LRP5: variants seen among roughly 807,000 people sequenced by gnomAD.
LRP5 encodes the protein LDL receptor related protein 5, also known as low-density lipoprotein receptor-related protein 5.
LRP5 carries 62 observed loss-of-function variants against 154.1 expected under a neutral mutation model. That is an observed-to-expected ratio of 0.40 (90% CI 0.33 to 0.50). The LOEUF (loss-of-function observed/expected upper bound fraction) is 0.50, where lower values mean the gene tolerates loss of function less well. Ranked by LOEUF, LRP5 falls within the 20% of genes least tolerant of loss-of-function variation. The pLI is 0.55. For synonymous variants in LRP5, 966 were observed against 1,011.5 expected (o/e 0.96, Z 0.85); for missense variants, 1,915 against 2,336.7 (o/e 0.82, Z 3.72).
chr11:68,373,041 C>T (rs2098635174), intron 5 of LRP5, among the ~76,000 whole-genome samples: 1 of 151,770 alleles, frequency 6.6e-6, no homozygotes, highest in Non-Finnish European at 1.5e-5. Context: ...TGTGAGTTCC[C>T]AAGGGAGGAC....
At chr11:68,311,255 C>T (rs1034235042), upstream of LRP5, among the ~76,000 whole-genome samples, 4 of 152,206 alleles carry the variant, frequency 2.6e-5, no homozygotes, top group African/African-American at 9.7e-5. Context: ...TCTTCCCCGC[C>T]TGAGGTCTGA....
chr11:68,396,323 G>A (rs542647693), intron 7 of LRP5, among the ~76,000 whole-genome samples: 3 of 152,304 alleles, frequency 2.0e-5, no homozygotes, highest in Admixed American at 2.0e-4. Flanking sequence ...AGCCCTGGAC[G>A]TGTTTTGCCG....
chr11:68,339,171 G>T (rs2098607412), intron 1 of LRP5, among the ~76,000 whole-genome samples: 1 of 151,618 alleles, frequency 6.6e-6, no homozygotes, highest in African/African-American at 2.4e-5. Flanking sequence ...ACCGCGTCGG[G>T]CCTTTTTTGT....
intron 5 of LRP5, among the ~76,000 whole-genome samples, chr11:68,375,079 C>T (rs1452775451): frequency 1.3e-5 from 2 of 152,234 alleles, no homozygotes; most frequent in African/African-American, 2.4e-5. Flanking sequence ...GCGAGCTTTG[C>T]GCTTGCAGGG....
intron 1 of LRP5, among the ~76,000 whole-genome samples, chr11:68,325,964 C>T (rs1283521887): frequency 2.6e-5 from 4 of 152,214 alleles, no homozygotes; most frequent in Non-Finnish European, 5.9e-5. Context: ...GACGACCCCC[C>T]GGGGACTCTG....
rs371493435 is a variant in LRP5 at position 68,449,079 on chromosome 11, G to T, written c.*9G>T. 1 of 1,529,322 alleles carries T rather than the reference G, an allele frequency of 6.5e-7. No homozygotes were observed. Among genetic ancestry groups the T allele is most frequent in the Non-Finnish European group, 8.8e-7 (1 of 1,140,472 alleles). 94.7% of individuals were successfully genotyped at this position (1,529,322 alleles called of 1,614,324 possible). A position where few individuals can be genotyped will look rare whatever the true frequency, so the allele number is the denominator to read the frequency against. On this transcript the variant is annotated 3_prime_UTR_variant, in exon 23 of 23. Transcript: ENST00000294304. ...GCACGGACTCATCCTGACCTCGGCC[G>T]GGCCACTCTGGCTTCTCTGTGCCCC... is the stretch of plus-strand genomic sequence containing the variant.
At chr11:68,351,222 T>A (rs572144739) in intron 2 of LRP5, among the ~76,000 whole-genome samples, 22 of 152,186 alleles carry the variant, frequency 1.4e-4, no homozygotes, top group African/African-American at 5.1e-4. Context: ...AGGGGTGCTG[T>A]GCTGGGCAAC....
chr11:68,317,672 G>A (rs2098594257), intron 1 of LRP5, among the ~76,000 whole-genome samples: 2 of 152,282 alleles, frequency 1.3e-5, no homozygotes. Flanking sequence ...CCAGCCCCAT[G>A]TGGTGGTCCC....
At position 68,380,128 on chromosome 11, in the gene LRP5, C is replaced by T. The variant is rs72932390; in HGVS notation, c.1016-6188C>T. Among the ~76,000 whole-genome samples the T allele has an allele frequency of 6.0e-3, 921 of 152,312 alleles. 5 individuals carry two copies. Among genetic ancestry groups the T allele is most frequent in the Non-Finnish European group, 9.9e-3 (671 of 68,018 alleles). On this transcript the variant is annotated intron_variant, in intron 5 of 22. Coordinates refer to ENST00000294304, the MANE Select transcript of LRP5 (RefSeq NM_002335.4). ...AGCCTGGGCAATAAGAGTGAAGCTTCGTCTCAAAAACAAAGTCACACACGC... is the reference window on the plus strand; with the variant it reads ...AGCCTGGGCAATAAGAGTGAAGCTTTGTCTCAAAAACAAAGTCACACACGC...
At chr11:68,398,562 C>T (rs2508847) in intron 7 of LRP5, among the ~76,000 whole-genome samples, 2 of 151,970 alleles carry the variant, frequency 1.3e-5, no homozygotes, top group Non-Finnish European at 2.9e-5. Context: ...GAGTCGAGAG[C>T]TACGGCCCCC....
intron 1 of LRP5, among the ~76,000 whole-genome samples, chr11:68,326,123 A>G (rs2098599497): frequency 6.6e-6 from 1 of 152,132 alleles, no homozygotes; most frequent in African/African-American, 2.4e-5. Context: ...TGGCCTCGGC[A>G]TTTATTTTGT....
At chr11:68,387,126 T>G (rs192336289) in intron 6 of LRP5, among the ~76,000 whole-genome samples, 7 of 151,526 alleles carry the variant, frequency 4.6e-5, no homozygotes, top group Admixed American at 1.3e-4. Context: ...TTTCTTTTTT[T>G]TTTTTTGAGA....
intron 1 of LRP5, among the ~76,000 whole-genome samples, chr11:68,326,299 C>A (rs1483177579): frequency 6.6e-6 from 1 of 152,226 alleles, no homozygotes; most frequent in Non-Finnish European, 1.5e-5. Flanking sequence ...CAGTCCCCGC[C>A]TCTCCTTTTC....
chr11:68,351,293 G>A (rs2098618315), intron 2 of LRP5, among the ~76,000 whole-genome samples: 1 of 152,038 alleles, frequency 6.6e-6, no homozygotes, highest in Non-Finnish European at 1.5e-5. Context: ...AGCCACCCCT[G>A]CAGCTGCCGG....
In LRP5 at chr11:68,394,765, G is replaced by A. The variant is rs551559237; in HGVS notation, c.1584+4713G>A. Among the ~76,000 whole-genome samples the A allele has an allele frequency of 2.5e-3, 375 of 152,066 alleles. 9 individuals are homozygous for A. Among genetic ancestry groups the A allele is most frequent in the Non-Finnish European group, 2.8e-3 (193 of 67,962 alleles). On this transcript the variant is annotated intron_variant, in intron 7 of 22. Transcript: ENST00000294304. ...AGGCGTGAGCCACCGCGCCCGGCCC[G>A]ATTTCCCACTTTAAGAATCTGTCTG... is the stretch of plus-strand genomic sequence containing the variant.
intron 1 of LRP5, among the ~76,000 whole-genome samples, chr11:68,344,395 T>G (rs1319510463): frequency 6.6e-6 from 1 of 152,182 alleles, no homozygotes; most frequent in Non-Finnish European, 1.5e-5. Flanking sequence ...CTCAGCTCAC[T>G]GCAACCTCCA....
rs191983463 is a variant in LRP5 at position 68,381,129 on chromosome 11, G to A, written c.1016-5187G>A. Among the ~76,000 whole-genome samples the A allele has an allele frequency of 8.6e-4, 131 of 152,292 alleles. 1 individual carries two copies. The highest frequency in any genetic ancestry group is 7.5e-3 in the Admixed American group (115 of 15,298). On this transcript the variant is annotated intron_variant, in intron 5 of 22. Transcript: ENST00000294304. Reference sequence around the variant, plus strand: ...TCAGAACAGGGCTTAGTGCGATGGCGGCCACAAGCCAAGGAACTCCAAGTA... The same window carrying A: ...TCAGAACAGGGCTTAGTGCGATGGCAGCCACAAGCCAAGGAACTCCAAGTA...
intron 1 of LRP5, among the ~76,000 whole-genome samples, chr11:68,331,200 C>G (rs538224253): frequency 6.6e-6 from 1 of 152,312 alleles, no homozygotes; most frequent in Non-Finnish European, 1.5e-5. Context: ...CGGGTGAGTC[C>G]GGGTAAGTGG....
In LRP5 at chr11:68,386,311, C is replaced by T; in HGVS notation, c.1016-5C>T. ...CCCCTGACCCCATTGCACCTGTCTC[C>T]ACAGGAGCCGAGGAGGTGCTGCTGC... On this transcript the variant is annotated splice_region_variant and splice_polypyrimidine_tract_variant and intron_variant, in intron 5 of 22. Transcript: ENST00000294304. The surrounding 1 kb of genome is among the most constrained non-coding windows in gnomAD (Gnocchi z 7.9). The T allele has an allele frequency of 6.2e-7, 1 of 1,611,158 alleles. No homozygotes were observed. Among genetic ancestry groups the T allele is most frequent in the South Asian group, 1.1e-5 (1 of 91,084 alleles).
Sources: allele counts gnomAD v4.1 joint callset (sites outside exome capture counted in the v4.1 genomes callset), GRCh38; gene constraint gnomAD v4.1.1; non-coding constraint Gnocchi (gnomAD v3.1); transcripts MANE v1.5; gene names NCBI Gene and HGNC (gene_info 2026-07-23, HGNC 2026-07-21).